Variants in ZBTB7C observed in about 807,000 individuals in gnomAD.
The protein encoded by ZBTB7C is zinc finger and BTB domain containing 7C.
ZBTB7C carries 8 observed loss-of-function variants against 25.7 expected under a neutral mutation model. The ratio of observed to expected loss-of-function variants is 0.31; its 90% CI spans 0.18 to 0.56. The LOEUF (loss-of-function observed/expected upper bound fraction) is 0.56, where lower values mean the gene tolerates loss of function less well. Ranked by LOEUF, ZBTB7C falls within the 20% of genes least tolerant of loss-of-function variation. The pLI is 0.91. For synonymous variants in ZBTB7C, 394 were observed against 369.0 expected, an observed-to-expected ratio of 1.07 and a Z score of -0.78; for missense variants, 824 against 855.2, an observed-to-expected ratio of 0.96 and a Z score of 0.46.
intron 3 of ZBTB7C, among the ~76,000 whole-genome samples, chr18:48,132,631 C>T (rs1479344663): frequency 1.3e-5 from 2 of 152,154 alleles, no homozygotes; most frequent in African/African-American, 2.4e-5. Context: ...ACAAAACAAA[C>T]ATTAGAAAAG....
At chr18:48,144,561 G>A (rs2040445239) in intron 3 of ZBTB7C, among the ~76,000 whole-genome samples, 1 of 152,096 alleles carries the variant, frequency 6.6e-6, no homozygotes, top group East Asian at 1.9e-4. Context: ...ACCCAGGTTG[G>A]TGGCAAACTC....
At chr18:48,364,819 A>G (rs557558566) in intron 1 of ZBTB7C, among the ~76,000 whole-genome samples, 37 of 152,350 alleles carry the variant, frequency 2.4e-4, no homozygotes, top group African/African-American at 8.2e-4. Flanking sequence ...GTAGCATACC[A>G]TATGTAATAC....
chr18:48,035,432 A>T (rs1370838466), intron 4 of ZBTB7C, among the ~76,000 whole-genome samples: 3 of 152,184 alleles, frequency 2.0e-5, no homozygotes, highest in African/African-American at 7.2e-5. Flanking sequence ...TCCAGGAGGG[A>T]GACCAGCCAG....
intron 2 of ZBTB7C, among the ~76,000 whole-genome samples, chr18:48,333,929 T>C (rs1305687613): frequency 6.6e-6 from 1 of 152,350 alleles, no homozygotes; most frequent in African/African-American, 2.4e-5. Context: ...GACTTTGCCC[T>C]GATTCCAGTG....
intron 2 of ZBTB7C, among the ~76,000 whole-genome samples, chr18:48,289,202 A>T (rs1037217223): frequency 1.2e-4 from 18 of 152,186 alleles, no homozygotes; most frequent in African/African-American, 4.3e-4. Context: ...ATATCAAACT[A>T]AATAATAATA....
rs1340391481 is a variant in ZBTB7C at position 48,029,721 on chromosome 18, T to C, written c.1399A>G (p.Ile467Val). Residue 467 changes from isoleucine (I) to valine (V), a missense_variant, in exon 5 of 5, where the codon ATC becomes GTC. Ile to Val is a conservative substitution (Grantham distance 29). This residue lies in a region of ZBTB7C where 342 missense variants were observed against 307.0 expected (regional missense o/e 1.11). Transcript: ENST00000590800. Reference protein sequence around the residue: ...FTRSDHLHRHIKRQSCRMARP... With the variant: ...FTRSDHLHRHVKRQSCRMARP... ...GCCATGCGGCAGCTCTGGCGCTTGATGTGGCGGTGCAGGTGGTCAGAGCGC... is the reference window on the plus strand; with the variant it reads ...GCCATGCGGCAGCTCTGGCGCTTGACGTGGCGGTGCAGGTGGTCAGAGCGC... The C allele has an allele frequency of 1.7e-5, 28 of 1,602,776 alleles. No individual in the cohort carries two copies. In the Admixed American group the frequency reaches 4.3e-4, roughly 25 times the overall value.
intron 2 of ZBTB7C, among the ~76,000 whole-genome samples, chr18:48,239,983 C>CA (rs1229238244): frequency 2.6e-5 from 4 of 151,384 alleles, no homozygotes; most frequent in African/African-American, 7.3e-5. Flanking sequence ...AAGATATGGA[C>CA]AAAAAAATCT....
At chr18:48,351,637 T>C (rs1385097187) in intron 1 of ZBTB7C, among the ~76,000 whole-genome samples, 2 of 152,228 alleles carry the variant, frequency 1.3e-5, no homozygotes, top group Admixed American at 1.3e-4. Context: ...GGTGGAGATG[T>C]TGCTTCAACT....
At chr18:48,172,493 G>A (rs1481768791) in intron 3 of ZBTB7C, among the ~76,000 whole-genome samples, 1 of 152,224 alleles carries the variant, frequency 6.6e-6, no homozygotes, top group Non-Finnish European at 1.5e-5. Flanking sequence ...GTGTGTCTGG[G>A]AGATTCGGGT....
At chr18:48,370,586 C>T (rs1446104643) in intron 1 of ZBTB7C, among the ~76,000 whole-genome samples, 1 of 152,128 alleles carries the variant, frequency 6.6e-6, no homozygotes, top group Non-Finnish European at 1.5e-5. Flanking sequence ...TAAAAGTACA[C>T]AGAATCCCTC....
chr18:48,040,591 C>T lies in ZBTB7C; in HGVS notation c.517G>A (p.Asp173Asn). The T allele has an allele frequency of 6.2e-7, 1 of 1,613,840 alleles. No individual in the cohort carries two copies. The highest frequency in any genetic ancestry group is 1.3e-5 in the African/African-American group (1 of 74,986). The change falls in exon 4 of 5, where the codon GAC (aspartate) becomes AAC (asparagine). Residue 173 changes from aspartate to asparagine, a missense_variant. Transcript: ENST00000590800. Reference sequence around the variant, plus strand: ...TGGGGGTCAGGCAAGTTTTCTTGGTCAGCAAAGTCCTCCGTGTCATCATCG... The same window carrying T: ...TGGGGGTCAGGCAAGTTTTCTTGGTTAGCAAAGTCCTCCGTGTCATCATCG... ...DDDDDTEDFA[D>N]QENLPDPQDI...
chr18:48,384,314 C>T (rs912946828), intron 1 of ZBTB7C, among the ~76,000 whole-genome samples: 4 of 152,204 alleles, frequency 2.6e-5, no homozygotes, highest in Non-Finnish European at 4.4e-5. Flanking sequence ...CAAATCTATC[C>T]GCACTCATAC....
intron 1 of ZBTB7C, among the ~76,000 whole-genome samples, chr18:48,367,271 TATGTATATGTAA>T (rs1309480646): frequency 4.4e-5 from 6 of 135,432 alleles, no homozygotes; most frequent in Non-Finnish European, 3.2e-5. Context: ...TATATATGTA[TATGTATATGTAA>T]ATATGTATCT....
chr18:48,367,202 T>TATATATATACACAC (rs1302394192), intron 1 of ZBTB7C, among the ~76,000 whole-genome samples: 3 of 63,396 alleles, frequency 4.7e-5, no homozygotes, highest in African/African-American at 1.8e-4. Flanking sequence ...TATATATATA[T>TATATATATACACAC]ACACACACAC....
chr18:48,222,648 T>C (rs1488772669), intron 2 of ZBTB7C, among the ~76,000 whole-genome samples: 3 of 152,198 alleles, frequency 2.0e-5, no homozygotes, highest in African/African-American at 7.2e-5. Context: ...ATCATGTTTC[T>C]GGAAAGAAGG....
intron 2 of ZBTB7C, among the ~76,000 whole-genome samples, chr18:48,321,898 G>A (rs2046104447): frequency 6.6e-6 from 1 of 152,224 alleles, no homozygotes; most frequent in Non-Finnish European, 1.5e-5. Flanking sequence ...GGAGGAGGTG[G>A]ATGCTGATGT....
At position 48,081,446 on chromosome 18, in the gene ZBTB7C, T is replaced by TTTCTTC. The variant is rs532842738; in HGVS notation, c.-16-40324_-16-40323insGAAGAA. Among the ~76,000 whole-genome samples, 202 of 144,304 alleles carry TTTCTTC rather than the reference T, an allele frequency of 1.4e-3. No homozygotes were observed. In the Middle Eastern group the frequency reaches 0.014, roughly 10 times the overall value. 94.7% of individuals were successfully genotyped at this position (144,304 alleles called of 152,430 possible). On this transcript the variant is annotated intron_variant, in intron 3 of 4. Transcript: ENST00000590800. ...CATTCTAAATGATTTCTTTTTTCTT[T>TTTCTTC]TTCTTTTTCTTTTTCTTTTTTTTTT...
intron 2 of ZBTB7C, among the ~76,000 whole-genome samples, chr18:48,305,143 C>T (rs556319527): frequency 6.6e-6 from 1 of 152,070 alleles, no homozygotes; most frequent in East Asian, 1.9e-4. Context: ...TCCAGGCCTG[C>T]GAGACCTCCA....
intron 1 of ZBTB7C, among the ~76,000 whole-genome samples, chr18:48,366,290 G>A (rs1004569933): frequency 2.0e-5 from 3 of 152,162 alleles, no homozygotes; most frequent in Non-Finnish European, 4.4e-5. Flanking sequence ...AAAAAAGTTT[G>A]GATGACATGT....
Sources: allele counts gnomAD v4.1 joint callset (sites outside exome capture counted in the v4.1 genomes callset), GRCh38; gene constraint gnomAD v4.1.1; regional missense constraint gnomAD v4.1.1; transcripts MANE v1.5; gene names NCBI Gene and HGNC (gene_info 2026-07-23, HGNC 2026-07-21).